The following TGM4 variants were observed in gnomAD, a reference collection of about 807,000 sequenced individuals.
The protein encoded by TGM4 is protein-glutamine gamma-glutamyltransferase 4.
TGM4 carries 61 observed loss-of-function variants against 76.3 expected under a neutral mutation model. The ratio of observed to expected loss-of-function variants is 0.80; its 90% confidence interval spans 0.65 to 0.99. The LOEUF is 0.99. Among genes scored for constraint, TGM4 ranks in the 50% least tolerant of loss-of-function variants. The probability of loss-of-function intolerance (pLI) is 0.00; values close to 1 mark genes in which losing one functional copy is unlikely to be tolerated. For synonymous variants in TGM4, 337 were observed against 329.8 expected (o/e 1.02, Z -0.24); for missense variants, 794 against 843.2 (o/e 0.94, Z 0.72).
intron 13 of TGM4, among the ~76,000 whole-genome samples, 175 bp downstream of exon 13, chr3:44,911,581 C>A (rs1296003707): frequency 1.3e-5 from 2 of 152,224 alleles, no homozygotes; most frequent in Non-Finnish European, 2.9e-5. Context: ...GCTCTACCGA[C>A]AGATCTTTTT....
chr3:44,887,430 G>C (rs1699623474), intron 2 of TGM4, among the ~76,000 whole-genome samples: 1 of 152,222 alleles, frequency 6.6e-6, no homozygotes, highest in Non-Finnish European at 1.5e-5. Flanking sequence ...GCTCTAGGGA[G>C]ACCTGGATCT....
At chr3:44,883,353 T>C (rs1302954698) in intron 1 of TGM4, among the ~76,000 whole-genome samples, 2 of 152,160 alleles carry the variant, frequency 1.3e-5, no homozygotes, top group Non-Finnish European at 2.9e-5. Context: ...GAGGTGCCCC[T>C]CTAAAGGGAC....
intron 8 of TGM4, among the ~76,000 whole-genome samples, chr3:44,902,599 AAAAAAC>A (rs1297545315): frequency 1.3e-5 from 2 of 152,058 alleles, no homozygotes; most frequent in African/African-American, 4.8e-5. Flanking sequence ...ACTCCCTCTC[AAAAAAC>A]AAAAACAAAA....
chr3:44,893,495 C>T, intron 4 of TGM4, 82 bp from the exon 5 acceptor site: 2 of 1,205,628 alleles, frequency 1.7e-6, no homozygotes, highest in East Asian at 2.3e-5. Context: ...GAATCTCCCC[C>T]AGCACAGACA....
chr3:44,899,952 C>A (rs1699830222), intron 6 of TGM4, among the ~76,000 whole-genome samples: 1 of 152,168 alleles, frequency 6.6e-6, no homozygotes, highest in Admixed American at 6.5e-5. Context: ...GAAGTGACAG[C>A]CATCACTTTT....
chr3:44,889,792 G>GT (rs149850659), intron 3 of TGM4, among the ~76,000 whole-genome samples: 156 of 150,780 alleles, frequency 1.0e-3, no homozygotes, highest in African/African-American at 3.4e-3. Flanking sequence ...AGAGAAAGGT[G>GT]TTTTTTTTTG....
At chr3:44,876,984 T>C (rs1699459275) in intron 1 of TGM4, among the ~76,000 whole-genome samples, 1 of 152,138 alleles carries the variant, frequency 6.6e-6, no homozygotes, top group African/African-American at 2.4e-5. Flanking sequence ...TCAACCTTAC[T>C]TGTAACGAGG....
intron 13 of TGM4, among the ~76,000 whole-genome samples, chr3:44,912,921 T>C (rs1341413024): frequency 1.3e-5 from 2 of 152,258 alleles, no homozygotes; most frequent in Admixed American, 6.5e-5. Context: ...CATGCTGATA[T>C]ATCCAGCAAA....
At chr3:44,904,107 A>G (rs1002316936) in intron 9 of TGM4, 120 bp downstream of exon 9, 2 of 846,206 alleles carry the variant, frequency 2.4e-6, no homozygotes, top group African/African-American at 3.4e-5. Flanking sequence ...AAATTTCCCA[A>G]AACAAAAAGC....
Position 44,911,354 on chromosome 3 carries a change from A to G in TGM4, c.1861A>G (p.Lys621Glu). The G allele has an allele frequency of 1.2e-6, 2 of 1,614,240 alleles. No individual in the cohort carries two copies. Among genetic ancestry groups the G allele is most frequent in the Non-Finnish European group, 1.7e-6 (2 of 1,180,040 alleles). The change falls in exon 13 of 14, where the codon AAG becomes GAG. Residue 621 changes from lysine to glutamate, a missense_variant. Coordinates refer to ENST00000296125, the MANE Select transcript of TGM4 (RefSeq NM_003241.4). Reference protein sequence around the residue: ...NTLAIPLTDVKFSLESLGISS... With the variant: ...NTLAIPLTDVEFSLESLGISS... Reference sequence around the variant, plus strand: ...CCTGGCCATCCCTTTGACTGACGTCAAGTTCTCTTTGGAAAGCCTGGGCAT... The same window carrying G: ...CCTGGCCATCCCTTTGACTGACGTCGAGTTCTCTTTGGAAAGCCTGGGCAT...
chr3:44,903,921 C>T lies in TGM4; in HGVS notation c.1009C>T (p.Pro337Ser), dbSNP rs751409983. 3 of 1,614,196 alleles carry T rather than the reference C, an allele frequency of 1.9e-6. No homozygotes were observed. The highest frequency in any genetic ancestry group is 2.5e-6 in the Non-Finnish European group (3 of 1,180,032). Residue 337 changes from proline (P) to serine (S), a missense_variant, in exon 9 of 14, where the codon CCG (proline) becomes TCG (serine). Coordinates refer to ENST00000296125, the MANE Select transcript of TGM4 (RefSeq NM_003241.4). ...GTGGACGGATGCCTGGATGAAGCGACCGGATCTGCCCAAGGGCTACGACGG... is the reference window on the plus strand; with the variant it reads ...GTGGACGGATGCCTGGATGAAGCGATCGGATCTGCCCAAGGGCTACGACGG... Reference protein sequence around the residue: ...HVWTDAWMKRPDLPKGYDGWQ... With the variant: ...HVWTDAWMKRSDLPKGYDGWQ...
intron 13 of TGM4, among the ~76,000 whole-genome samples, chr3:44,911,890 C>T (rs984530739): frequency 1.3e-5 from 2 of 152,182 alleles, no homozygotes; most frequent in Non-Finnish European, 2.9e-5. Flanking sequence ...TGCAGTGACA[C>T]GATCTTGGCT....
At position 44,911,118 on chromosome 3, in the gene TGM4, C is replaced by A; in HGVS notation, c.1767C>A (p.Phe589Leu). Reference sequence around the variant, plus strand: ...TCACGTCTTTCCAGTACCCTGAGTTCTCTATAGAGGTGAGCTTCCTGCAGG... The same window carrying A: ...TCACGTCTTTCCAGTACCCTGAGTTATCTATAGAGGTGAGCTTCCTGCAGG... ...EVFTSFQYPE[F>L]SIELPNTGRI... Residue 589 changes from phenylalanine (F) to leucine (L), a missense_variant, in exon 12 of 14, where the codon TTC (phenylalanine) becomes TTA (leucine). Transcript: ENST00000296125. 6.2e-7 allele frequency: 1 copy of A among 1,614,150 alleles called. No individual in the cohort carries two copies.
chr3:44,881,651 A>G (rs1021727353), intron 1 of TGM4, among the ~76,000 whole-genome samples: 8 of 152,248 alleles, frequency 5.3e-5, no homozygotes, highest in Non-Finnish European at 1.0e-4. Context: ...ATATACATAC[A>G]GACTGGAAAA....
At position 44,914,537 on chromosome 3, in the gene TGM4, T is replaced by C. The variant is rs984008308; in HGVS notation, c.*812T>C. ...GTTAACTGAAGCCTGCTCCTTCTTG[T>C]TCTGCCCTCCAGAGATTTGCTCAAA... On this transcript the variant is annotated 3_prime_UTR_variant, in exon 14 of 14. Coordinates refer to ENST00000296125, the MANE Select transcript of TGM4 (RefSeq NM_003241.4). The C allele has an allele frequency of 2.0e-5, 3 of 152,236 alleles. No individual in the cohort carries two copies. Among genetic ancestry groups the C allele is most frequent in the African/African-American group, 7.2e-5 (3 of 41,440 alleles). 9.4% of individuals were successfully genotyped at this position (152,236 alleles called of 1,614,324 possible). A position where few individuals can be genotyped will look rare whatever the true frequency, so the allele number is the denominator to read the frequency against.
chr3:44,877,667 T>C (rs1699468606), intron 1 of TGM4, among the ~76,000 whole-genome samples: 1 of 152,060 alleles, frequency 6.6e-6, no homozygotes, highest in East Asian at 1.9e-4. Flanking sequence ...TTAGCCAAGA[T>C]TAAAAGTTTA....
chr3:44,883,053 G>A (rs1047133507), intron 1 of TGM4, among the ~76,000 whole-genome samples: 1 of 152,126 alleles, frequency 6.6e-6, no homozygotes, highest in Non-Finnish European at 1.5e-5. Context: ...GGGAACCCAG[G>A]TCACCCACCT....
rs3082589 is a variant in TGM4 at position 44,907,310 on chromosome 3, C to CAAAAAA, written c.1327+128_1327+133dup. 2.0e-5 allele frequency: 13 copies of CAAAAAA among 660,454 alleles called. No homozygotes were observed. The African/African-American group carries it at 2.0e-4, about 10-fold the overall frequency. 40.9% of individuals were successfully genotyped at this position (660,454 alleles called of 1,614,324 possible). On this transcript the variant is annotated intron_variant, in intron 10 of 13. Transcript: ENST00000296125. ...CAACATGGTGAAACCCCATCCCTAC[C>CAAAAAA]AAAAAAAAAAAAAAAAAAAAAAATT...
Position 44,913,806 on chromosome 3 carries a change from A to G in TGM4, c.*81A>G, listed in dbSNP as rs912689282. On this transcript the variant is annotated 3_prime_UTR_variant, in exon 14 of 14. Coordinates refer to ENST00000296125, the MANE Select transcript of TGM4 (RefSeq NM_003241.4). ...TTAGCTTTCAGATTATGGATGATTA[A>G]ATTTGATGACTTATATGAGGGCAGA... The G allele has an allele frequency of 6.5e-7, 1 of 1,535,196 alleles. No individual in the cohort carries two copies. The highest frequency in any genetic ancestry group is 8.7e-7 in the Non-Finnish European group (1 of 1,144,020).
Sources: allele counts gnomAD v4.1 joint callset (sites outside exome capture counted in the v4.1 genomes callset), GRCh38; gene constraint gnomAD v4.1.1; transcripts MANE v1.5; gene names NCBI Gene and HGNC (gene_info 2026-07-23, HGNC 2026-07-21).